THRB: variants seen among roughly 807,000 people sequenced by gnomAD.
The protein encoded by THRB is nuclear receptor subfamily 1 group A member 2.
Under a neutral mutation model 47.8 loss-of-function variants are expected in THRB, and 12 were observed. That is an observed-to-expected ratio of 0.25 (90% CI 0.16 to 0.41). The LOEUF (loss-of-function observed/expected upper bound fraction) is 0.41, where lower values mean the gene tolerates loss of function less well. Among genes scored for constraint, THRB ranks in the 10% least tolerant of loss-of-function variants. The probability of loss-of-function intolerance (pLI) is 1.00; values close to 1 mark genes in which losing one functional copy is unlikely to be tolerated. For synonymous variants in THRB, 218 were observed against 212.2 expected, an observed-to-expected ratio of 1.03 and a Z score of -0.24; for missense variants, 348 against 589.2, an observed-to-expected ratio of 0.59 and a Z score of 4.24.
At chr3:24,147,093 C>T (rs143752443) in intron 6 of THRB, among the ~76,000 whole-genome samples, 392 of 151,992 alleles carry the variant, frequency 2.6e-3, no homozygotes, top group African/African-American at 9.1e-3. Context: ...GAACATCTAG[C>T]GCTTGTTTTT....
At chr3:24,137,041 T>TTA (rs1427026331) in intron 8 of THRB, among the ~76,000 whole-genome samples, 1 of 152,260 alleles carries the variant, frequency 6.6e-6, no homozygotes, top group Non-Finnish European at 1.5e-5. Flanking sequence ...GAAATGACAT[T>TTA]TACCTCATTC....
At chr3:24,216,855 G>A (rs2046618738) in intron 4 of THRB, among the ~76,000 whole-genome samples, 1 of 152,034 alleles carries the variant, frequency 6.6e-6, no homozygotes, top group Non-Finnish European at 1.5e-5. Context: ...AACTTCTCAT[G>A]AATATTTTCA....
intron 1 of THRB, among the ~76,000 whole-genome samples, chr3:24,347,795 TG>T (rs2063118060): frequency 6.6e-6 from 1 of 152,016 alleles, no homozygotes; most frequent in African/African-American, 2.4e-5. Context: ...AAAATGTGAA[TG>T]GTACTATACT....
chr3:24,344,105 C>T (rs185690979), intron 1 of THRB, among the ~76,000 whole-genome samples: 1 of 151,796 alleles, frequency 6.6e-6, no homozygotes, highest in Admixed American at 6.6e-5. Flanking sequence ...GGAGGGAAAA[C>T]TGTATTTACA....
chr3:24,461,394 T>C (rs1450059854), intron 1 of THRB, among the ~76,000 whole-genome samples: 1 of 152,232 alleles, frequency 6.6e-6, no homozygotes, highest in Admixed American at 6.5e-5. Context: ...GCTGGTATAC[T>C]GTATACTCTC....
chr3:24,271,362 A>G (rs1343497021), intron 3 of THRB, among the ~76,000 whole-genome samples: 3 of 152,190 alleles, frequency 2.0e-5, no homozygotes, highest in African/African-American at 7.2e-5. Context: ...AGTAATGAAG[A>G]TAAGACTTGG....
intron 1 of THRB, among the ~76,000 whole-genome samples, chr3:24,401,323 A>G (rs2067382713): frequency 6.6e-6 from 1 of 152,094 alleles, no homozygotes; most frequent in Admixed American, 6.6e-5. Flanking sequence ...TTTCTGGATC[A>G]TAAGGTCTGG....
intron 1 of THRB, among the ~76,000 whole-genome samples, chr3:24,432,403 T>C (rs1401502243): frequency 6.6e-6 from 1 of 152,142 alleles, no homozygotes; most frequent in Non-Finnish European, 1.5e-5. Flanking sequence ...TTTCCATTAA[T>C]TCTATATCAG....
At chr3:24,323,553 C>T (rs563054610) in intron 2 of THRB, among the ~76,000 whole-genome samples, 10 of 152,330 alleles carry the variant, frequency 6.6e-5, no homozygotes, top group African/African-American at 1.9e-4. Flanking sequence ...TAACCAGCTC[C>T]CTGGTGGGGC....
At chr3:24,128,086 T>A (rs2033204356) in intron 9 of THRB, among the ~76,000 whole-genome samples, 1 of 152,220 alleles carries the variant, frequency 6.6e-6, no homozygotes, top group Admixed American at 6.5e-5. Context: ...TAACTTCAAC[T>A]GATAACTGCT....
chr3:24,214,825 G>A (rs929434507), intron 4 of THRB, among the ~76,000 whole-genome samples: 6 of 152,214 alleles, frequency 3.9e-5, no homozygotes, highest in Admixed American at 2.6e-4. Flanking sequence ...GTCTTGAAGA[G>A]GGCTCTCCAA....
intron 2 of THRB, among the ~76,000 whole-genome samples, chr3:24,297,588 G>C (rs938521902): frequency 3.3e-5 from 5 of 152,190 alleles, no homozygotes; most frequent in African/African-American, 1.2e-4. Flanking sequence ...GCATCCACAG[G>C]CCAGGGAAAT....
intron 2 of THRB, among the ~76,000 whole-genome samples, chr3:24,335,506 C>G (rs2062192382): frequency 6.6e-6 from 1 of 152,080 alleles, no homozygotes; most frequent in Non-Finnish European, 1.5e-5. Context: ...TTTATGTTTT[C>G]TTTATTTTCC....
chr3:24,478,918 A>C (rs986869273), intron 1 of THRB, among the ~76,000 whole-genome samples: 1 of 152,156 alleles, frequency 6.6e-6, no homozygotes, highest in Non-Finnish European at 1.5e-5. Context: ...TGTCTAGAGA[A>C]ATTTTTGATT....
At chr3:24,385,819 A>T (rs2066054900) in intron 1 of THRB, among the ~76,000 whole-genome samples, 1 of 152,132 alleles carries the variant, frequency 6.6e-6, no homozygotes, top group Non-Finnish European at 1.5e-5. Flanking sequence ...CAGATAAATC[A>T]TCACGCATGA....
chr3:24,456,791 C>T (rs569786803), intron 1 of THRB, among the ~76,000 whole-genome samples: 1 of 151,916 alleles, frequency 6.6e-6, no homozygotes, highest in Admixed American at 6.6e-5. Flanking sequence ...ATAAGATAAA[C>T]TTACTAATAA....
intron 2 of THRB, among the ~76,000 whole-genome samples, chr3:24,317,857 G>T (rs1013707818): frequency 1.3e-5 from 2 of 152,134 alleles, no homozygotes; most frequent in African/African-American, 2.4e-5. Context: ...AGGAGTTCAA[G>T]AATAGCCTGG....
At chr3:24,135,921 A>T (rs1184176015) in intron 8 of THRB, among the ~76,000 whole-genome samples, 1 of 150,096 alleles carries the variant, frequency 6.7e-6, no homozygotes, top group Admixed American at 6.6e-5. Context: ...AATAAAAATA[A>T]AATTAAGAAG....
intron 1 of THRB, among the ~76,000 whole-genome samples, chr3:24,477,216 G>A (rs1695611950): frequency 2.0e-5 from 3 of 151,812 alleles, no homozygotes; most frequent in Admixed American, 6.6e-5. Flanking sequence ...TTTGTTGATC[G>A]TGACTTATTA....
Sources: gnomAD v4.1 joint callset for allele counts (sites outside exome capture counted in the v4.1 genomes callset) on GRCh38, gnomAD v4.1.1 for gene constraint, MANE v1.5 for transcripts, NCBI Gene and HGNC (gene_info 2026-07-23, HGNC 2026-07-21) for gene names.